SYNPR: variants seen among roughly 807,000 people sequenced by gnomAD.
The protein encoded by SYNPR is synaptoporin.
In SYNPR, 23 loss-of-function variants were observed where a neutral mutation model predicts 32.9. The ratio of observed to expected loss-of-function variants is 0.70; its 90% confidence interval spans 0.50 to 0.99. The LOEUF (loss-of-function observed/expected upper bound fraction) is 0.99. Among genes scored for constraint, SYNPR ranks in the 50% least tolerant of loss-of-function variants. The pLI is 0.00. For missense variants in SYNPR, 318 were observed against 349.3 expected (o/e 0.91, Z 0.71); for synonymous variants, 146 against 135.9 (o/e 1.07, Z -0.52).
intron 2 of SYNPR, among the ~76,000 whole-genome samples, chr3:63,345,917 C>T (rs1285468095): frequency 2.0e-5 from 3 of 152,006 alleles, no homozygotes; most frequent in East Asian, 1.9e-4. Context: ...CAAGTTCAAG[C>T]GATTCCCCTG....
At chr3:63,588,943 C>G (rs1330453674) in intron 4 of SYNPR, among the ~76,000 whole-genome samples, 2 of 152,018 alleles carry the variant, frequency 1.3e-5, no homozygotes, top group African/African-American at 4.8e-5. Flanking sequence ...CCCAAATTCC[C>G]AAGAAACAAG....
intron 3 of SYNPR, among the ~76,000 whole-genome samples, chr3:63,512,887 A>G (rs1319417459): frequency 6.6e-6 from 1 of 152,142 alleles, no homozygotes; most frequent in Non-Finnish European, 1.5e-5. Context: ...AAAGGCAAAG[A>G]ATTGTTCTCT....
intron 2 of SYNPR, among the ~76,000 whole-genome samples, chr3:63,388,741 T>C (rs1398824458): frequency 2.0e-5 from 3 of 152,100 alleles, no homozygotes; most frequent in African/African-American, 7.2e-5. Context: ...AGTTCCTTTT[T>C]AAACAATATT....
chr3:63,465,556 C>T (rs1700661519), intron 2 of SYNPR, among the ~76,000 whole-genome samples: 1 of 151,994 alleles, frequency 6.6e-6, no homozygotes, highest in Non-Finnish European at 1.5e-5. Flanking sequence ...AAATTTCAAA[C>T]ATATATAAAG....
upstream of SYNPR, among the ~76,000 whole-genome samples, chr3:63,276,305 C>T (rs1331664673): frequency 6.6e-6 from 1 of 152,100 alleles, no homozygotes; most frequent in Non-Finnish European, 1.5e-5. Context: ...TTGAGGTGCA[C>T]TGTTGAGGGC....
chr3:63,494,478 C>CGT (rs1559516471), intron 3 of SYNPR, among the ~76,000 whole-genome samples: 68 of 109,240 alleles, frequency 6.2e-4, no homozygotes, highest in East Asian at 1.0e-3. Context: ...CACATATATA[C>CGT]ATATATATAC....
At chr3:63,595,876 TTTATATATATATAGTTTTATATATATAG>T (rs1276370075) in intron 4 of SYNPR, among the ~76,000 whole-genome samples, 3,066 of 89,990 alleles carry the variant, frequency 0.034, 198 homozygotes, top group South Asian at 0.058. Context: ...TATATATAAT[TTTATATATATATAGTTTTATATATATAG>T]TTATATATAT....
chr3:63,208,741 A>G, the SYNPR span, among the ~76,000 whole-genome samples: 4 of 152,172 alleles, frequency 2.6e-5, no homozygotes, highest in Admixed American at 6.5e-5. Context: ...AGAGACTGTA[A>G]GCTCCGTGAA....
At chr3:63,521,117 C>T (rs1701906036) in intron 3 of SYNPR, among the ~76,000 whole-genome samples, 1 of 152,186 alleles carries the variant, frequency 6.6e-6, no homozygotes, top group Non-Finnish European at 1.5e-5. Flanking sequence ...CTGCTCTCTC[C>T]ATAATCCAGC....
intron 2 of SYNPR, among the ~76,000 whole-genome samples, chr3:63,424,234 C>A (rs139319134): frequency 6.6e-6 from 1 of 152,176 alleles, no homozygotes; most frequent in African/African-American, 2.4e-5. Context: ...ATTCTTGCAA[C>A]TTTTCTGTAA....
At chr3:63,259,809 G>T (rs965599238) in intron 2 of SYNPR, among the ~76,000 whole-genome samples, 3 of 152,284 alleles carry the variant, frequency 2.0e-5, no homozygotes, top group Middle Eastern at 6.8e-3. Context: ...TGACATGATT[G>T]TATATCTAGA....
chr3:63,540,960 CAT>C (rs1491563406), intron 3 of SYNPR, among the ~76,000 whole-genome samples: 1,681 of 147,998 alleles, frequency 0.011, 10 homozygotes, highest in Middle Eastern at 0.018. Flanking sequence ...CACACACACA[CAT>C]ATACATAGTA....
intron 3 of SYNPR, among the ~76,000 whole-genome samples, chr3:63,514,634 T>C (rs1701760834): frequency 6.6e-6 from 1 of 152,116 alleles, no homozygotes. Flanking sequence ...GAATCACTAA[T>C]ATATATTGTA....
chr3:63,519,704 C>A (rs1305492856), intron 3 of SYNPR, among the ~76,000 whole-genome samples: 1 of 152,238 alleles, frequency 6.6e-6, no homozygotes, highest in Non-Finnish European at 1.5e-5. Context: ...CAGTATTTTA[C>A]ATCTATTCCC....
At chr3:63,422,987 A>G (rs557264611) in intron 2 of SYNPR, among the ~76,000 whole-genome samples, 18 of 152,376 alleles carry the variant, frequency 1.2e-4, no homozygotes, top group African/African-American at 3.8e-4. Flanking sequence ...GTCTTTATAT[A>G]TCAACATAGA....
At chr3:63,206,060 T>C in the SYNPR span, among the ~76,000 whole-genome samples, 1 of 152,182 alleles carries the variant, frequency 6.6e-6, no homozygotes. Context: ...GTCAAATTTG[T>C]AGCCCCTGTT....
At chr3:63,351,392 G>A (rs554679333) in intron 2 of SYNPR, 2 of 152,280 alleles carry the variant, frequency 1.3e-5, no homozygotes, top group East Asian at 1.9e-4. Flanking sequence ...TCAAGTGTGA[G>A]TGCACCCTAG....
intron 2 of SYNPR, among the ~76,000 whole-genome samples, chr3:63,309,470 T>C (rs565334047): frequency 1.3e-5 from 2 of 152,176 alleles, no homozygotes; most frequent in Admixed American, 1.3e-4. Context: ...TTAAGCTTTA[T>C]TCTGAGAATT....
At chr3:63,207,036 G>A in the SYNPR span, among the ~76,000 whole-genome samples, 1 of 152,220 alleles carries the variant, frequency 6.6e-6, no homozygotes, top group Admixed American at 6.5e-5. Flanking sequence ...GGGAGAAGGA[G>A]AGAGGAAGTT....
Sources: gnomAD v4.1 joint callset for allele counts (sites outside exome capture counted in the v4.1 genomes callset) on GRCh38, gnomAD v4.1.1 for gene constraint, MANE v1.5 for transcripts, NCBI Gene and HGNC (gene_info 2026-07-23, HGNC 2026-07-21) for gene names.